Variants in XNDC1N observed in about 807,000 individuals in gnomAD.
XNDC1N encodes the protein XRCC1 N-terminal domain containing 1, N-terminal like, also known as protein XNDC1N.
chr11:71,903,784 CA>C, the XNDC1N span: 1 of 357,798 alleles, frequency 2.8e-6, no homozygotes, highest in African/African-American at 2.1e-5. Flanking sequence ...CCAGGAACAT[CA>C]ACATGTATTT....
At chr11:71,878,772 G>A in the XNDC1N span, among the ~76,000 whole-genome samples, 3 of 151,716 alleles carry the variant, frequency 2.0e-5, no homozygotes, top group African/African-American at 7.3e-5. Flanking sequence ...AGGTGGGTGA[G>A]CTTGGGAGTT....
the XNDC1N span, among the ~76,000 whole-genome samples, chr11:71,902,613 G>A: frequency 1.6e-4 from 25 of 152,330 alleles, no homozygotes; most frequent in African/African-American, 5.8e-4. Flanking sequence ...AGAAAAGTCC[G>A]AAAACACAAT....
the XNDC1N span, among the ~76,000 whole-genome samples, chr11:71,904,348 G>A: frequency 1.3e-5 from 2 of 152,202 alleles, no homozygotes; most frequent in African/African-American, 4.8e-5. Context: ...ATCACAGGGT[G>A]TGCATACTGT....
chr11:71,867,288 C>G, the XNDC1N span, among the ~76,000 whole-genome samples: 1 of 152,220 alleles, frequency 6.6e-6, no homozygotes, highest in Non-Finnish European at 1.5e-5. Context: ...CAGCCTTCAT[C>G]CACCCACAGA....
the XNDC1N span, chr11:71,928,367 G>A: frequency 1.5e-6 from 1 of 669,266 alleles, no homozygotes; most frequent in Non-Finnish European, 2.7e-6. Context: ...CCCCTCACCC[G>A]GGACCGTGGA....
At chr11:71,900,853 T>C in the XNDC1N span, among the ~76,000 whole-genome samples, 2 of 152,314 alleles carry the variant, frequency 1.3e-5, no homozygotes, top group Non-Finnish European at 2.9e-5. Context: ...CGCCTTTTCA[T>C]AGAACTCGTA....
At chr11:71,906,594 TG>T in the XNDC1N span, among the ~76,000 whole-genome samples, 2 of 152,168 alleles carry the variant, frequency 1.3e-5, no homozygotes, top group Admixed American at 1.3e-4. Flanking sequence ...GAACTCCCGC[TG>T]GGATATTACG....
chr11:71,874,820 T>A, the XNDC1N span, among the ~76,000 whole-genome samples: 7 of 152,376 alleles, frequency 4.6e-5, no homozygotes, highest in African/African-American at 1.7e-4. Flanking sequence ...ATGTCTATCA[T>A]TTATTTTTAC....
the XNDC1N span, among the ~76,000 whole-genome samples, chr11:71,889,677 G>A: frequency 1.3e-5 from 2 of 152,270 alleles, no homozygotes; most frequent in South Asian, 2.1e-4. Flanking sequence ...TGGCCAAAAC[G>A]GTGAGGCAGC....
the XNDC1N span, chr11:71,893,681 C>T: frequency 0.72 from 945,460 of 1,320,098 alleles, 342,641 homozygotes; most frequent in African/African-American, 0.94. Context: ...TGGGCTGACA[C>T]CGGTTTCACC....
chr11:71,870,075 G>T, the XNDC1N span, among the ~76,000 whole-genome samples: 1 of 151,958 alleles, frequency 6.6e-6, no homozygotes, highest in African/African-American at 2.4e-5. Context: ...GCTTGTGCAG[G>T]GGAATTCCCA....
At chr11:71,923,165 A>G in the XNDC1N span, 1 of 657,882 alleles carries the variant, frequency 1.5e-6, no homozygotes, top group Admixed American at 2.7e-5. Flanking sequence ...ACCTGAGGGC[A>G]AGAGCTGTTT....
At chr11:71,885,601 T>G in the XNDC1N span, among the ~76,000 whole-genome samples, 1 of 152,146 alleles carries the variant, frequency 6.6e-6, no homozygotes, top group East Asian at 1.9e-4. Context: ...GAACGTAATA[T>G]CATGCTCTCT....
chr11:71,903,957 C>T, the XNDC1N span: 1 of 490,030 alleles, frequency 2.0e-6, no homozygotes, highest in South Asian at 1.5e-5. Flanking sequence ...ATGGAACAGG[C>T]GTTGGAGGGT....
chr11:71,882,081 C>T, the XNDC1N span, among the ~76,000 whole-genome samples: 47 of 150,864 alleles, frequency 3.1e-4, no homozygotes, highest in African/African-American at 4.1e-4. Flanking sequence ...AAATCAAAGA[C>T]GAAAAGAAAA....
chr11:71,899,668 G>A, the XNDC1N span, among the ~76,000 whole-genome samples: 2 of 152,174 alleles, frequency 1.3e-5, no homozygotes, highest in Admixed American at 6.5e-5. Context: ...CCAGGGGCAC[G>A]ATACACTGTG....
chr11:71,903,650 CTTTTT>C, the XNDC1N span: 3 of 347,546 alleles, frequency 8.6e-6, no homozygotes, highest in African/African-American at 2.3e-5. Context: ...TTTTTTTTTT[CTTTTT>C]TTTTTTTTCC....
At chr11:71,885,747 G>T in the XNDC1N span, among the ~76,000 whole-genome samples, 2 of 150,000 alleles carry the variant, frequency 1.3e-5, no homozygotes, top group African/African-American at 5.0e-5. Context: ...TTAATATTAA[G>T]AAATAATTGC....
the XNDC1N span, among the ~76,000 whole-genome samples, chr11:71,919,445 G>A: frequency 1.3e-5 from 2 of 151,146 alleles, no homozygotes; most frequent in Non-Finnish European, 2.9e-5. Context: ...CTGGAGTGCA[G>A]TGGCACAATC....
Sources: allele counts gnomAD v4.1 joint callset (sites outside exome capture counted in the v4.1 genomes callset), GRCh38; gene constraint gnomAD v4.1.1; transcripts MANE v1.5; gene names NCBI Gene and HGNC (gene_info 2026-07-23, HGNC 2026-07-21).